CCDC180: variants seen among roughly 807,000 people sequenced by gnomAD.
The protein encoded by CCDC180 is coiled-coil domain-containing protein 180.
CCDC180 carries 154 observed loss-of-function variants against 209.2 expected under a neutral mutation model. That is an observed-to-expected ratio of 0.74 (90% CI 0.65 to 0.84). CCDC180 has a LOEUF of 0.84. Ranked by LOEUF, CCDC180 falls within the 40% of genes least tolerant of loss-of-function variation. The pLI is 0.00. For synonymous variants in CCDC180, 778 were observed against 749.1 expected (o/e 1.04, Z -0.63); for missense variants, 1,874 against 1,997.3 (o/e 0.94, Z 1.18).
In CCDC180 at chr9:97,307,696, T is replaced by C. The variant is rs1286052914; in HGVS notation, c.-192T>C. On this transcript the variant is annotated 5_prime_UTR_variant, in exon 1 of 37. It removes the in-frame stop codon of an upstream open reading frame in the 5' UTR. Transcript: ENST00000529487. ...CTTTTCCCCGAAGAGCATGGCAGAG[T>C]GAAGCACAAGCAATAATCCTGTATT... 2 of 1,591,888 alleles carry C rather than the reference T, an allele frequency of 1.3e-6. No homozygotes were observed. The highest frequency in any genetic ancestry group is 1.7e-6 in the Non-Finnish European group (2 of 1,160,796).
intron 34 of CCDC180, chr9:97,372,715 C>T (rs1225102102): frequency 6.6e-6 from 1 of 150,442 alleles, no homozygotes; most frequent in East Asian, 2.0e-4. Context: ...TAAAGATTAG[C>T]TCGGTGTGGT....
intron 18 of CCDC180, among the ~76,000 whole-genome samples, chr9:97,337,842 G>A (rs932479376): frequency 1.3e-5 from 2 of 152,154 alleles, no homozygotes; most frequent in Non-Finnish European, 2.9e-5. Context: ...CAATTTCAGA[G>A]CCTGTTATTG....
chr9:97,377,678 G>A lies in CCDC180; in HGVS notation c.*784G>A, dbSNP rs926966588. ...CTGCTCTCCTGGTTTGCTCCACCCA[G>A]TGAGGCCCTGCTTGGTTAGCTTGGT... On this transcript the variant is annotated 3_prime_UTR_variant, in exon 37 of 37. Coordinates refer to ENST00000529487, the MANE Select transcript of CCDC180 (RefSeq NM_020893.6). 6.6e-6 allele frequency: 1 copy of A among 152,200 alleles called. No homozygotes were observed. The highest frequency in any genetic ancestry group is 2.4e-5 in the African/African-American group (1 of 41,418). The allele number at this position is 152,200 out of a possible 1,614,324, so 9.4% of individuals were successfully genotyped here. A position where few individuals can be genotyped will look rare whatever the true frequency, so the allele number is the denominator to read the frequency against.
intron 20 of CCDC180, among the ~76,000 whole-genome samples, chr9:97,347,883 G>A (rs1329716619): frequency 6.6e-6 from 1 of 152,116 alleles, no homozygotes; most frequent in Non-Finnish European, 1.5e-5. Flanking sequence ...CTGTGACCGT[G>A]TGACCCTATA....
chr9:97,334,249 A>T lies in CCDC180; in HGVS notation c.2274+3482A>T, dbSNP rs929562344. Among the ~76,000 whole-genome samples, 53 of 152,226 alleles carry T rather than the reference A, an allele frequency of 3.5e-4. 1 individual carries two copies. The highest frequency in any genetic ancestry group is 1.1e-3 in the African/African-American group (47 of 41,538). On this transcript the variant is annotated intron_variant, in intron 18 of 36. Coordinates refer to ENST00000529487, the MANE Select transcript of CCDC180 (RefSeq NM_020893.6). ...TAATGGAAAAGCTGGGACTCTTTTT[A>T]TATTATACGACTTAGCCCTAGGGAG...
chr9:97,365,274 C>A, intron 29 of CCDC180: 1 of 167,686 alleles, frequency 6.0e-6, no homozygotes, highest in Non-Finnish European at 1.3e-5. Flanking sequence ...GCCTGATGGC[C>A]TCCTGTTTAT....
intron 34 of CCDC180, chr9:97,373,157 G>A (rs887788859): frequency 4.6e-5 from 7 of 152,186 alleles, no homozygotes; most frequent in African/African-American, 1.7e-4. Context: ...TGCTGGGTGG[G>A]ACTGAGAGAG....
intron 31 of CCDC180, chr9:97,369,389 G>A (rs1827011064): frequency 6.5e-6 from 1 of 153,408 alleles, no homozygotes; most frequent in African/African-American, 2.4e-5. Flanking sequence ...GTATATAGGA[G>A]AAGCCCTTTG....
intron 26 of CCDC180, among the ~76,000 whole-genome samples, 192 bp from the exon 27 acceptor site, chr9:97,361,534 C>T (rs967771200): frequency 5.3e-5 from 8 of 152,158 alleles, no homozygotes; most frequent in South Asian, 2.1e-4. Flanking sequence ...CATGAATAAA[C>T]GGATGAATGA....
chr9:97,339,344 G>T (rs1826006078), intron 18 of CCDC180, among the ~76,000 whole-genome samples: 1 of 152,152 alleles, frequency 6.6e-6, no homozygotes, highest in African/African-American at 2.4e-5. Flanking sequence ...CTCTTGTAAG[G>T]CAGGCCTGGT....
At chr9:97,334,379 A>T (rs1825840805) in intron 18 of CCDC180, among the ~76,000 whole-genome samples, 1 of 152,232 alleles carries the variant, frequency 6.6e-6, no homozygotes, top group African/African-American at 2.4e-5. Flanking sequence ...CTAATCTGTA[A>T]GGTTGATACT....
intron 18 of CCDC180, among the ~76,000 whole-genome samples, chr9:97,333,709 T>G (rs541524254): frequency 4.0e-5 from 6 of 150,792 alleles, no homozygotes; most frequent in African/African-American, 9.7e-5. Context: ...GCTGTTGGAG[T>G]TTTTTTTTGT....
intron 18 of CCDC180, among the ~76,000 whole-genome samples, chr9:97,341,988 A>G (rs1439906730): frequency 6.6e-6 from 1 of 152,254 alleles, no homozygotes; most frequent in Non-Finnish European, 1.5e-5. Context: ...AGCCAGGTGC[A>G]GGATATAATC....
intron 22 of CCDC180, among the ~76,000 whole-genome samples, chr9:97,353,142 A>G (rs775041897): frequency 3.9e-5 from 6 of 152,050 alleles, no homozygotes; most frequent in Admixed American, 6.6e-5. Flanking sequence ...GACTAGAGGC[A>G]TGTGCCACGA....
chr9:97,319,898 T>C (rs1304840829), intron 10 of CCDC180, among the ~76,000 whole-genome samples: 3 of 152,168 alleles, frequency 2.0e-5, no homozygotes, highest in Non-Finnish European at 2.9e-5. Context: ...CCTGGAAAAA[T>C]TATGTTCTTT....
chr9:97,344,737 TG>T (rs894452292), intron 19 of CCDC180, among the ~76,000 whole-genome samples: 1 of 152,194 alleles, frequency 6.6e-6, no homozygotes, highest in Non-Finnish European at 1.5e-5. Context: ...TCCAACTGAT[TG>T]GGTTTGCATA....
chr9:97,343,791 G>T (rs1826164569), intron 19 of CCDC180: 4 of 529,266 alleles, frequency 7.6e-6, no homozygotes, highest in Middle Eastern at 5.1e-4. Context: ...CCCACCTCAG[G>T]AGGCTCTCTG....
chr9:97,355,330 A>G (rs1297767470), intron 24 of CCDC180, among the ~76,000 whole-genome samples: 3 of 151,696 alleles, frequency 2.0e-5, no homozygotes, highest in Non-Finnish European at 4.4e-5. Context: ...AATTTTTTCT[A>G]TTTTTTGTAG....
rs938502567 is a variant in CCDC180, at chr9:97,357,550, T to A, written c.3265-77T>A. ...TTCAGTGCTTAATCAGTTTCTCAGATGGTATGTTTCACAGAATGTTTCCCA... is the reference window on the plus strand; with the variant it reads ...TTCAGTGCTTAATCAGTTTCTCAGAAGGTATGTTTCACAGAATGTTTCCCA... On this transcript the variant is annotated intron_variant, in intron 24 of 36. Transcript: ENST00000529487. The A allele has an allele frequency of 4.3e-6, 4 of 926,532 alleles. No homozygotes were observed. In the East Asian group the frequency reaches 9.9e-5, roughly 23 times the overall value. 57.4% of individuals were successfully genotyped at this position (926,532 alleles called of 1,614,324 possible).
Sources: gnomAD v4.1 joint callset for allele counts (sites outside exome capture counted in the v4.1 genomes callset) on GRCh38, gnomAD v4.1.1 for gene constraint, MANE v1.5 for transcripts, NCBI Gene and HGNC (gene_info 2026-07-23, HGNC 2026-07-21) for gene names.